Variants in CWF19L2 observed in about 807,000 individuals in gnomAD.
The protein encoded by CWF19L2 is CWF19-like protein 2.
In CWF19L2, 98 loss-of-function variants were observed where a neutral mutation model predicts 111.7. That is an observed-to-expected ratio of 0.88 (90% confidence interval 0.75 to 1.04). The LOEUF (loss-of-function observed/expected upper bound fraction) is 1.04. Ranked by LOEUF, CWF19L2 falls within the 50% of genes least tolerant of loss-of-function variation. The probability of loss-of-function intolerance (pLI) is 0.00; values close to 1 mark genes in which losing one functional copy is unlikely to be tolerated. For synonymous variants in CWF19L2, 351 were observed against 342.9 expected, an observed-to-expected ratio of 1.02 and a Z score of -0.26; for missense variants, 1,101 against 1,051.4, an observed-to-expected ratio of 1.05 and a Z score of -0.65.
intron 14 of CWF19L2, among the ~76,000 whole-genome samples, chr11:107,341,564 T>C (rs1187702052): frequency 2.6e-5 from 4 of 152,166 alleles, no homozygotes; most frequent in Non-Finnish European, 4.4e-5. Context: ...TTAACTGTCT[T>C]GTGGTATGAG....
chr11:107,343,332 T>C (rs1860031695), intron 14 of CWF19L2, among the ~76,000 whole-genome samples: 1 of 152,176 alleles, frequency 6.6e-6, no homozygotes. Flanking sequence ...CTATGTCTTC[T>C]CGGTGGATTG....
chr11:107,384,374 A>G (rs1230272325), intron 12 of CWF19L2, among the ~76,000 whole-genome samples: 1 of 152,202 alleles, frequency 6.6e-6, no homozygotes, highest in Non-Finnish European at 1.5e-5. Context: ...ATACATACCT[A>G]ATACATATAG....
rs1266144305 is a variant in CWF19L2, at chr11:107,441,619, C to T, written c.454G>A (p.Asp152Asn). 2.6e-6 allele frequency: 4 copies of T among 1,522,004 alleles called. No individual in the cohort carries two copies. Among genetic ancestry groups the T allele is most frequent in the Non-Finnish European group, 3.5e-6 (4 of 1,137,824 alleles). The allele number at this position is 1,522,004 out of a possible 1,614,324, so 94.3% of individuals were successfully genotyped here. The change falls in exon 5 of 18, where the codon GAT becomes AAT. Residue 152 changes from aspartate (D) to asparagine (N), a missense_variant. Physicochemically the swap from Asp to Asn is conservative, Grantham distance 23 (BLOSUM62 1). Coordinates refer to ENST00000282251, the MANE Select transcript of CWF19L2 (RefSeq NM_152434.3). ...GKDDTQIIKR[D>N]EWMTVDFMSV... ...ATAAAATCAACAGTCATCCACTCAT[C>T]CCTCTGTTAAAAAAAAAGACATAAA...
At chr11:107,452,775 G>C (rs747140974) in intron 3 of CWF19L2, among the ~76,000 whole-genome samples, 1 of 152,166 alleles carries the variant, frequency 6.6e-6, no homozygotes, top group Admixed American at 6.6e-5. Flanking sequence ...GAGATCACTA[G>C]AGCCCAGGAG....
At chr11:107,368,124 CCA>C (rs145543488) in intron 12 of CWF19L2, among the ~76,000 whole-genome samples, 59,436 of 110,152 alleles carry the variant, frequency 0.54, 19,596 homozygotes, top group African/African-American at 0.72. Flanking sequence ...AGACCCCCCC[CCA>C]CACAAAAATA....
chr11:107,391,773 T>G (rs1860850870), intron 11 of CWF19L2, among the ~76,000 whole-genome samples: 1 of 152,186 alleles, frequency 6.6e-6, no homozygotes, highest in Non-Finnish European at 1.5e-5. Flanking sequence ...TTATTATTCT[T>G]TTCTTTACTA....
At chr11:107,371,740 T>C (rs1020377019) in intron 12 of CWF19L2, among the ~76,000 whole-genome samples, 1 of 137,514 alleles carries the variant, frequency 7.3e-6, no homozygotes, top group Non-Finnish European at 1.6e-5. Context: ...ACCACAGTTC[T>C]AGATGATAAA....
intron 7 of CWF19L2, among the ~76,000 whole-genome samples, chr11:107,429,851 T>C (rs926111904): frequency 6.8e-6 from 1 of 147,014 alleles, no homozygotes. Context: ...AAGAAAGACT[T>C]GGAAATAAAA....
chr11:107,404,555 G>C (rs1207961623), intron 10 of CWF19L2: 3 of 662,446 alleles, frequency 4.5e-6, no homozygotes, highest in African/African-American at 3.6e-5. Flanking sequence ...AGGAGCTGGG[G>C]TGGGAGGTGG....
chr11:107,387,172 A>C (rs1041945519), intron 12 of CWF19L2, among the ~76,000 whole-genome samples: 1 of 152,050 alleles, frequency 6.6e-6, no homozygotes, highest in Non-Finnish European at 1.5e-5. Flanking sequence ...TCACACATCC[A>C]TAACAGTATT....
intron 10 of CWF19L2, among the ~76,000 whole-genome samples, chr11:107,409,876 A>G (rs1861132389): frequency 6.6e-6 from 1 of 152,190 alleles, no homozygotes; most frequent in South Asian, 2.1e-4. Context: ...AGACATTCAT[A>G]AAACAAGTAT....
chr11:107,450,972 A>G (rs896848776), intron 3 of CWF19L2, among the ~76,000 whole-genome samples: 1 of 152,326 alleles, frequency 6.6e-6, no homozygotes, highest in South Asian at 2.1e-4. Context: ...CATTAACACT[A>G]AACTTAATAC....
intron 11 of CWF19L2, among the ~76,000 whole-genome samples, chr11:107,391,813 C>A (rs1362994642): frequency 6.6e-6 from 1 of 152,158 alleles, no homozygotes; most frequent in Non-Finnish European, 1.5e-5. Context: ...TGACTCCAAT[C>A]ACCCCCTGGC....
At chr11:107,327,187 T>C (rs1565239054) in intron 17 of CWF19L2, 134 bp from the exon 18 acceptor site, 1 of 910,234 alleles carries the variant, frequency 1.1e-6, no homozygotes, top group Non-Finnish European at 1.6e-6. Context: ...TAAATACTAG[T>C]TGAAGTTAAA....
Position 107,376,193 on chromosome 11 carries a change from G to A in CWF19L2, c.1872+13881C>T, listed in dbSNP as rs1860597476. Among the ~76,000 whole-genome samples the A allele has an allele frequency of 1.6e-5, 2 of 122,878 alleles. 1 individual carries two copies. 80.6% of individuals were successfully genotyped at this position (122,878 alleles called of 152,430 possible). Reference sequence around the variant, plus strand: ...CAAATTCTACCAGAGGTACAAGGAGGAACTGGTACCATTCCTTCTGAAACT... The same window carrying A: ...CAAATTCTACCAGAGGTACAAGGAGAAACTGGTACCATTCCTTCTGAAACT... On this transcript the variant is annotated intron_variant, in intron 12 of 17. Transcript: ENST00000282251.
chr11:107,410,257 C>G (rs1409792024), intron 10 of CWF19L2, among the ~76,000 whole-genome samples: 5 of 151,740 alleles, frequency 3.3e-5, no homozygotes, highest in Admixed American at 3.3e-4. Context: ...TAGTAGTAAA[C>G]AACTTTGTAT....
intron 12 of CWF19L2, among the ~76,000 whole-genome samples, chr11:107,379,782 G>T (rs1003255440): frequency 6.6e-6 from 1 of 152,000 alleles, no homozygotes; most frequent in African/African-American, 2.4e-5. Flanking sequence ...ATACTCAGCC[G>T]GGCGCGGTGG....
At position 107,445,402 on chromosome 11, in the gene CWF19L2, G is replaced by A. The variant is rs368978999; in HGVS notation, c.340-2353C>T. Among the ~76,000 whole-genome samples the A allele has an allele frequency of 3.6e-3, 548 of 152,028 alleles. 1 individual carries two copies. The highest frequency in any genetic ancestry group is 0.012 in the African/African-American group (486 of 41,502). On this transcript the variant is annotated intron_variant, in intron 3 of 17. Coordinates refer to ENST00000282251, the MANE Select transcript of CWF19L2 (RefSeq NM_152434.3). Reference sequence around the variant, plus strand: ...GGGTGGATCATGAGGTCAGGAGTTCGAGACCAGCCTGGCCAAGATGGTGAA... The same window carrying A: ...GGGTGGATCATGAGGTCAGGAGTTCAAGACCAGCCTGGCCAAGATGGTGAA...
At chr11:107,399,129 A>G (rs942632297) in intron 10 of CWF19L2, among the ~76,000 whole-genome samples, 1 of 152,194 alleles carries the variant, frequency 6.6e-6, no homozygotes, top group Non-Finnish European at 1.5e-5. Flanking sequence ...AGGACCTATA[A>G]AACAAAAAAT....
Sources: allele counts gnomAD v4.1 joint callset (sites outside exome capture counted in the v4.1 genomes callset), GRCh38; gene constraint gnomAD v4.1.1; transcripts MANE v1.5; gene names NCBI Gene and HGNC (gene_info 2026-07-23, HGNC 2026-07-21).